ALKBH8: variants seen among roughly 807,000 people sequenced by gnomAD.
The protein encoded by ALKBH8 is tRNA (carboxymethyluridine(34)-5-O)-methyltransferase ALKBH8.
ALKBH8 carries 36 observed loss-of-function variants against 59.8 expected under a neutral mutation model. That is an observed-to-expected ratio of 0.60 (90% CI 0.46 to 0.79). The LOEUF is 0.79. Ranked by LOEUF, ALKBH8 falls within the 30% of genes least tolerant of loss-of-function variation. The pLI, the probability that ALKBH8 is intolerant of heterozygous loss-of-function variation, is 0.00. For missense variants in ALKBH8, 768 were observed against 801.0 expected, an observed-to-expected ratio of 0.96 and a Z score of 0.50; for synonymous variants, 276 against 273.6, an observed-to-expected ratio of 1.01 and a Z score of -0.09.
At chr11:107,511,821 C>G (rs1430637766) in intron 10 of ALKBH8, among the ~76,000 whole-genome samples, 1 of 152,112 alleles carries the variant, frequency 6.6e-6, no homozygotes, top group African/African-American at 2.4e-5. Flanking sequence ...GGTGATCTGC[C>G]CGCCTCAGCC....
chr11:107,545,985 A>C (rs1422764487), intron 7 of ALKBH8, among the ~76,000 whole-genome samples: 1 of 152,224 alleles, frequency 6.6e-6, no homozygotes, highest in Non-Finnish European at 1.5e-5. Context: ...AAGTCAAATA[A>C]AGGAATTTTT....
chr11:107,523,745 GGC>G, intron 9 of ALKBH8, among the ~76,000 whole-genome samples: 1 of 151,672 alleles, frequency 6.6e-6, no homozygotes, highest in Non-Finnish European at 1.5e-5. Flanking sequence ...TGGGATTACA[GGC>G]GTGTGCCACC....
At chr11:107,512,369 A>T (rs1436354670) in intron 10 of ALKBH8, among the ~76,000 whole-genome samples, 2 of 152,110 alleles carry the variant, frequency 1.3e-5, no homozygotes, top group African/African-American at 4.8e-5. Context: ...GCTCGAGTAC[A>T]GTGGTGCAAT....
intron 11 of ALKBH8, among the ~76,000 whole-genome samples, chr11:107,507,880 C>T (rs928761134): frequency 6.6e-6 from 1 of 152,138 alleles, no homozygotes; most frequent in African/African-American, 2.4e-5. Context: ...AGATTTTCCA[C>T]ATAAAATCTT....
chr11:107,523,993 A>G (rs905288981), intron 9 of ALKBH8, among the ~76,000 whole-genome samples: 8 of 152,112 alleles, frequency 5.3e-5, no homozygotes, highest in Non-Finnish European at 1.2e-4. Flanking sequence ...CCATTCCACA[A>G]TATATATGTA....
intron 7 of ALKBH8, among the ~76,000 whole-genome samples, chr11:107,532,982 T>G (rs1482354728): frequency 2.0e-5 from 3 of 152,090 alleles, no homozygotes; most frequent in African/African-American, 7.2e-5. Flanking sequence ...AAATAAATAT[T>G]AAATGCACCT....
chr11:107,539,596 C>CA (rs5794556), intron 7 of ALKBH8, among the ~76,000 whole-genome samples: 69,879 of 149,370 alleles, frequency 0.47, 17,224 homozygotes, highest in Non-Finnish European at 0.56. Context: ...GAGAATCCAC[C>CA]AAAAAAAAAC....
chr11:107,560,699 TATTAATATAATAC>T (rs748032771), intron 2 of ALKBH8, 53 bp downstream of exon 2: 9 of 1,437,670 alleles, frequency 6.3e-6, no homozygotes, highest in Non-Finnish European at 7.5e-6. Context: ...TATTAGCAAA[TATTAATATAATAC>T]ATTAACATGT....
chr11:107,507,956 C>T (rs1862459777), intron 11 of ALKBH8, among the ~76,000 whole-genome samples: 6 of 152,166 alleles, frequency 3.9e-5, no homozygotes, highest in Admixed American at 3.3e-4. Flanking sequence ...TTTATTTCAT[C>T]AAGGTATTCC....
chr11:107,541,918 T>A (rs1591301740), intron 7 of ALKBH8, among the ~76,000 whole-genome samples: 1 of 152,018 alleles, frequency 6.6e-6, no homozygotes. Context: ...CCTGTAGATA[T>A]AAAGAAAAAC....
At chr11:107,527,480 C>A (rs1863402606) in intron 8 of ALKBH8, among the ~76,000 whole-genome samples, 2 of 151,934 alleles carry the variant, frequency 1.3e-5, no homozygotes, top group African/African-American at 2.4e-5. Flanking sequence ...TTTCAATTCT[C>A]AACTTTCATT....
intron 7 of ALKBH8, among the ~76,000 whole-genome samples, chr11:107,543,109 C>T (rs1190270943): frequency 1.3e-5 from 2 of 152,016 alleles, no homozygotes; most frequent in East Asian, 1.9e-4. Flanking sequence ...TAGGCCAAGG[C>T]GGGTGGATCA....
At chr11:107,536,848 T>TCGAGGAATGAAGGTGTCTAGG (rs1863836698) in intron 7 of ALKBH8, among the ~76,000 whole-genome samples, 1 of 152,202 alleles carries the variant, frequency 6.6e-6, no homozygotes, top group East Asian at 1.9e-4. Context: ...GATAAAGAGT[T>TCGAGGAATGAAGGTGTCTAGG]CGAGGAATGA....
Position 107,504,482 on chromosome 11 carries a change from AGCCAACAGGAG to A in ALKBH8, c.*165_*175del, listed in dbSNP as rs1225316101. On this transcript the variant is annotated 3_prime_UTR_variant, in exon 12 of 12. Coordinates refer to ENST00000428149, the MANE Select transcript of ALKBH8 (RefSeq NM_138775.3). The stretch of plus-strand genomic sequence containing the variant: ...GAGCCAACACCACATCTGTGATGTC[AGCCAACAGGAG>A]ACATTTGAATGTCTCCTAATGAATC... 1.7e-5 allele frequency: 13 copies of A among 772,532 alleles called. No individual in the cohort carries two copies. The highest frequency in any genetic ancestry group is 8.3e-5 in the Admixed American group (4 of 48,080). The allele number at this position is 772,532 out of a possible 1,614,324, so 47.9% of individuals were successfully genotyped here.
At chr11:107,557,696 T>G (rs910614757) in intron 2 of ALKBH8, among the ~76,000 whole-genome samples, 5 of 152,216 alleles carry the variant, frequency 3.3e-5, no homozygotes, top group Non-Finnish European at 4.4e-5. Flanking sequence ...CAGTTCACAA[T>G]GAAAACTTTT....
At chr11:107,507,702 C>A (rs7112793) in intron 11 of ALKBH8, among the ~76,000 whole-genome samples, 7 of 152,024 alleles carry the variant, frequency 4.6e-5, no homozygotes, top group Admixed American at 4.6e-4. Flanking sequence ...GTCAAATAGT[C>A]GAAGCAGTGG....
At chr11:107,536,656 G>A (rs75930297) in intron 7 of ALKBH8, among the ~76,000 whole-genome samples, 3,434 of 152,242 alleles carry the variant, frequency 0.023, 144 homozygotes, top group African/African-American at 0.078. Flanking sequence ...AACCCTGAAT[G>A]AAAGGTTCCA....
In ALKBH8 at chr11:107,549,344, T is replaced by C. The variant is rs142424025; in HGVS notation, c.771+409A>G. Among the ~76,000 whole-genome samples, 457 of 152,312 alleles carry C rather than the reference T, an allele frequency of 3.0e-3. 2 individuals carry two copies. Among genetic ancestry groups the C allele is most frequent in the African/African-American group, 0.01 (420 of 41,560 alleles). On this transcript the variant is annotated intron_variant, in intron 7 of 11. Transcript: ENST00000428149. ...TCTCAGAGTTTTTGAAGGGATTGAA[T>C]CAGGTAACATACGGAAAAAGTTCAT...
intron 1 of ALKBH8, 155 bp downstream of exon 1, chr11:107,565,446 T>C (rs926392895): frequency 1.0e-6 from 1 of 984,468 alleles, no homozygotes; most frequent in Non-Finnish European, 1.5e-6. Context: ...GACACCCTAC[T>C]GCCCACACTG....
Sources: allele counts gnomAD v4.1 joint callset (sites outside exome capture counted in the v4.1 genomes callset), GRCh38; gene constraint gnomAD v4.1.1; transcripts MANE v1.5; gene names NCBI Gene and HGNC (gene_info 2026-07-23, HGNC 2026-07-21).